The following FAM222B variants were observed in gnomAD, a reference collection of about 807,000 sequenced individuals.
The protein encoded by FAM222B is protein FAM222B.
Under a neutral mutation model 38.0 loss-of-function variants are expected in FAM222B, and 12 were observed. The observed-to-expected ratio is 0.32, with a 90% CI of 0.20 to 0.51. The LOEUF is 0.51. Ranked by LOEUF, FAM222B falls within the 20% of genes least tolerant of loss-of-function variation. The probability of loss-of-function intolerance (pLI) is 0.97; values close to 1 mark genes in which losing one functional copy is unlikely to be tolerated. For synonymous variants in FAM222B, 329 were observed against 317.2 expected, an observed-to-expected ratio of 1.04 and a Z score of -0.40; for missense variants, 716 against 754.2, an observed-to-expected ratio of 0.95 and a Z score of 0.59.
rs550296586 is a variant in FAM222B at position 28,756,145 on chromosome 17, T to C, written c.*2125A>G. The C allele has an allele frequency of 6.5e-6, 1 of 152,692 alleles. No individual in the cohort carries two copies. Among genetic ancestry groups the C allele is most frequent in the African/African-American group, 2.4e-5 (1 of 41,512 alleles). 9.5% of individuals were successfully genotyped at this position (152,692 alleles called of 1,614,324 possible). On this transcript the variant is annotated 3_prime_UTR_variant, in exon 3 of 3. Coordinates refer to ENST00000581407, the MANE Select transcript of FAM222B (RefSeq NM_001077498.3). ...TAGTGTAGGATGGAGACAGGGAGTG[T>C]GGAGAGGAGGCCCTGGCTTGGACCC...
intron 1 of FAM222B, among the ~76,000 whole-genome samples, chr17:28,778,721 T>A (rs28470694): frequency 0.011 from 415 of 38,342 alleles, no homozygotes; most frequent in African/African-American, 0.028. Context: ...ATATATATAT[T>A]TTTTTTTTTT....
chr17:28,815,870 G>C (rs575932097), intron 1 of FAM222B, among the ~76,000 whole-genome samples: 8 of 152,092 alleles, frequency 5.3e-5, no homozygotes, highest in Admixed American at 2.0e-4. Context: ...AGCAGGCTGA[G>C]GTAGGAGAAT....
intron 1 of FAM222B, among the ~76,000 whole-genome samples, chr17:28,833,312 A>AAAAT (rs1181592637): frequency 6.6e-6 from 1 of 150,960 alleles, no homozygotes; most frequent in African/African-American, 2.4e-5. Context: ...CCCTCTCAAA[A>AAAAT]AAATAAATAA....
intron 1 of FAM222B, among the ~76,000 whole-genome samples, chr17:28,776,099 A>G (rs1417655010): frequency 6.7e-6 from 1 of 149,660 alleles, no homozygotes; most frequent in Admixed American, 6.7e-5. Context: ...GAAAAAAAAA[A>G]GCCAGGTGCA....
At chr17:28,838,224 G>A (rs1598055227) in intron 1 of FAM222B, among the ~76,000 whole-genome samples, 3 of 152,120 alleles carry the variant, frequency 2.0e-5, no homozygotes, top group East Asian at 3.9e-4. Context: ...CAGAGGTTGC[G>A]CTGAGCCAAG....
upstream of FAM222B, among the ~76,000 whole-genome samples, chr17:28,846,045 T>C (rs533968391): frequency 2.7e-5 from 4 of 150,466 alleles, no homozygotes; most frequent in East Asian, 5.9e-4. Context: ...CTACTAAAAA[T>C]ACAAAAAATT....
chr17:28,801,220 A>G lies in FAM222B; in HGVS notation c.-40-34513T>C, dbSNP rs1319585629. The stretch of plus-strand genomic sequence containing the variant: ...TGTAATCCCAGCACTTTGGGAGGCC[A>G]AGGCGGGCGGATCACGAGGTCAGGA... On this transcript the variant is annotated intron_variant, in intron 1 of 2. Transcript: ENST00000581407. 6.1e-5 allele frequency among the ~76,000 whole-genome samples: 9 copies of G among 146,880 alleles called. No individual in the cohort carries two copies. In the South Asian group the frequency reaches 1.1e-3, roughly 18 times the overall value.
rs1483377763 is a variant in FAM222B at position 28,759,151 on chromosome 17, G to C, written c.808C>G (p.His270Asp). The C allele has an allele frequency of 1.6e-5, 26 of 1,612,518 alleles. No homozygotes were observed. The highest frequency in any genetic ancestry group is 2.1e-5 in the Non-Finnish European group (25 of 1,179,290). ...SQPPDLSSIV[H>D]QINQFCQTRA... ...GTCTGGCAAAACTGGTTGATCTGGT[G>C]CACGATGCTACTCAGGTCCGGAGGC... The change falls in exon 3 of 3, where the codon CAC becomes GAC. Residue 270 changes from histidine to aspartate, a missense_variant. Physicochemically the swap from His to Asp is moderately conservative, Grantham distance 81. Transcript: ENST00000581407. The surrounding 1 kb of genome is among the most constrained non-coding windows in gnomAD (Gnocchi z 4.8).
chr17:28,786,008 ATT>A (rs1020782425), intron 1 of FAM222B, among the ~76,000 whole-genome samples: 4 of 150,832 alleles, frequency 2.7e-5, no homozygotes, highest in African/African-American at 9.8e-5. Flanking sequence ...TAATTTTTGT[ATT>A]TTTAGTAGAG....
At chr17:28,853,826 A>G (rs941396355) in intron 1 of FAM222B, among the ~76,000 whole-genome samples, 2 of 152,012 alleles carry the variant, frequency 1.3e-5, no homozygotes, top group Non-Finnish European at 2.9e-5. Flanking sequence ...CAAGAGTTTC[A>G]GGCTCCAGTG....
intron 1 of FAM222B, among the ~76,000 whole-genome samples, chr17:28,842,256 T>A (rs1275287911): frequency 6.6e-6 from 1 of 151,894 alleles, no homozygotes; most frequent in African/African-American, 2.4e-5. Flanking sequence ...CAAAAGAGGG[T>A]TCCCGACTCC....
At chr17:28,788,867 G>C (rs539281657) in intron 1 of FAM222B, among the ~76,000 whole-genome samples, 1 of 151,648 alleles carries the variant, frequency 6.6e-6, no homozygotes, top group South Asian at 2.1e-4. Context: ...TCAGCCTCCC[G>C]AGTAGCTGGG....
rs1342791267 is a variant in FAM222B, at chr17:28,802,112, A to G, written c.-40-35405T>C. On this transcript the variant is annotated intron_variant, in intron 1 of 2. Coordinates refer to ENST00000581407, the MANE Select transcript of FAM222B (RefSeq NM_001077498.3). ...AACCCCCAGCTTTTTTTTCTGAGAA[A>G]GAGTCTTACTCTGTGGCCCAGGTGC... Among the ~76,000 whole-genome samples the G allele has an allele frequency of 4.1e-5, 4 of 98,538 alleles. No homozygotes were observed. The East Asian group carries it at 1.2e-3, about 30-fold the overall frequency. 64.6% of individuals were successfully genotyped at this position (98,538 alleles called of 152,430 possible).
chr17:28,801,654 C>T (rs2037235517), intron 1 of FAM222B, among the ~76,000 whole-genome samples: 1 of 151,912 alleles, frequency 6.6e-6, no homozygotes, highest in South Asian at 2.1e-4. Flanking sequence ...AAACCATTCC[C>T]AGCTGAATAG....
At chr17:28,779,130 C>A (rs1381828099) in intron 1 of FAM222B, among the ~76,000 whole-genome samples, 1 of 152,062 alleles carries the variant, frequency 6.6e-6, no homozygotes, top group African/African-American at 2.4e-5. Context: ...TTCTCAAACT[C>A]TTCCCAAAAA....
At chr17:28,786,309 A>T (rs1382388685) in intron 1 of FAM222B, among the ~76,000 whole-genome samples, 1 of 152,214 alleles carries the variant, frequency 6.6e-6, no homozygotes, top group Non-Finnish European at 1.5e-5. Context: ...ATAAGACAGC[A>T]ACTATAAGCA....
chr17:28,828,939 C>T (rs1171847964), intron 1 of FAM222B, among the ~76,000 whole-genome samples: 1 of 151,804 alleles, frequency 6.6e-6, no homozygotes, highest in Non-Finnish European at 1.5e-5. Flanking sequence ...GAGTCTCGCT[C>T]TATCACCGGG....
At chr17:28,852,573 G>A (rs568009330) in intron 1 of FAM222B, among the ~76,000 whole-genome samples, 34 of 152,038 alleles carry the variant, frequency 2.2e-4, no homozygotes, top group African/African-American at 8.2e-4. Flanking sequence ...TCTGGGAGGT[G>A]GAGGTTGCAG....
chr17:28,808,734 G>C (rs1213667832), intron 1 of FAM222B, among the ~76,000 whole-genome samples: 1 of 152,164 alleles, frequency 6.6e-6, no homozygotes, highest in African/African-American at 2.4e-5. Flanking sequence ...AAGCTGAAAA[G>C]CTAAAAACTA....
Sources: allele counts gnomAD v4.1 joint callset (sites outside exome capture counted in the v4.1 genomes callset), GRCh38; gene constraint gnomAD v4.1.1; non-coding constraint Gnocchi (gnomAD v3.1); transcripts MANE v1.5; gene names NCBI Gene and HGNC (gene_info 2026-07-23, HGNC 2026-07-21).